The following ANKRD44 variants were observed in gnomAD, a reference collection of about 807,000 sequenced individuals.
ANKRD44 encodes serine/threonine-protein phosphatase 6 regulatory ankyrin repeat subunit B.
A neutral mutation model predicts 116.0 loss-of-function variants in ANKRD44; 35 were observed. The observed-to-expected ratio is 0.30, with a 90% CI of 0.23 to 0.40. ANKRD44 has a LOEUF of 0.40. ANKRD44 is among the 10% of genes least tolerant of loss of function. The probability of loss-of-function intolerance (pLI) is 1.00; values close to 1 mark genes in which losing one functional copy is unlikely to be tolerated. For synonymous variants in ANKRD44, 435 were observed against 461.8 expected (o/e 0.94, Z 0.74); for missense variants, 1,014 against 1,242.6 (o/e 0.82, Z 2.77).
At chr2:196,968,305 T>C (rs2075689668) in intron 21 of ANKRD44, among the ~76,000 whole-genome samples, 1 of 152,196 alleles carries the variant, frequency 6.6e-6, no homozygotes, top group Non-Finnish European at 1.5e-5. Context: ...GCTCCAGGAA[T>C]GGTTCCACAA....
At chr2:197,150,506 G>A (rs926732041) in intron 2 of ANKRD44, among the ~76,000 whole-genome samples, 9 of 151,980 alleles carry the variant, frequency 5.9e-5, no homozygotes, top group Non-Finnish European at 8.8e-5. Context: ...CCAAGATCGC[G>A]CCACTGCACT....
intron 1 of ANKRD44, among the ~76,000 whole-genome samples, chr2:197,266,987 T>G (rs1043945620): frequency 2.6e-5 from 4 of 152,154 alleles, no homozygotes; most frequent in African/African-American, 9.7e-5. Context: ...GGACAGGGAT[T>G]TTGTCTGTTT....
Position 197,279,770 on chromosome 2 carries a change from C to A in ANKRD44, c.27+30808G>T, listed in dbSNP as rs59956355. On this transcript the variant is annotated intron_variant, in intron 1 of 27. Transcript: ENST00000282272. ...CTTCCTGCCTGGATGTGCTCACTCT[C>A]CTGCACTCCAATGAGAGCCATCAGC... 5.5e-3 allele frequency among the ~76,000 whole-genome samples: 831 copies of A among 152,320 alleles called. 13 individuals are homozygous for A. The highest frequency in any genetic ancestry group is 0.019 in the African/African-American group (788 of 41,568).
chr2:197,152,527 C>A (rs547172676), intron 2 of ANKRD44, among the ~76,000 whole-genome samples: 4 of 152,324 alleles, frequency 2.6e-5, no homozygotes, highest in Admixed American at 6.5e-5. Flanking sequence ...GCCAAAGATA[C>A]ACACAGCCAG....
intron 16 of ANKRD44, among the ~76,000 whole-genome samples, chr2:197,061,060 G>C (rs191349132): frequency 6.6e-6 from 1 of 152,276 alleles, no homozygotes; most frequent in African/African-American, 2.4e-5. Context: ...TATGTATCTG[G>C]ACTATATGGT....
At chr2:197,097,977 A>G (rs1358114960) in intron 10 of ANKRD44, among the ~76,000 whole-genome samples, 1 of 152,204 alleles carries the variant, frequency 6.6e-6, no homozygotes, top group Admixed American at 6.5e-5. Flanking sequence ...TAACAGGTTC[A>G]CATGTTTATG....
chr2:197,290,059 T>C (rs1574455720), intron 1 of ANKRD44, among the ~76,000 whole-genome samples: 1 of 151,892 alleles, frequency 6.6e-6, no homozygotes, highest in African/African-American at 2.4e-5. Flanking sequence ...GGGGTTTCAC[T>C]ATGTTGGCCA....
chr2:197,310,669 G>C lies in ANKRD44; in HGVS notation c.-65C>G, dbSNP rs1363449855. On this transcript the variant is annotated 5_prime_UTR_variant, in exon 1 of 28. Coordinates refer to ENST00000282272, the MANE Select transcript of ANKRD44 (RefSeq NM_001195144.2). ...GCCCGCAGATGTCACGCCGGGAGCCGGGGAAGCGGAAGGGATTGCCAGGAG... is the reference window on the plus strand; with the variant it reads ...GCCCGCAGATGTCACGCCGGGAGCCCGGGAAGCGGAAGGGATTGCCAGGAG... 2 of 1,304,834 alleles carry C rather than the reference G, an allele frequency of 1.5e-6. No homozygotes were observed. Among genetic ancestry groups the C allele is most frequent in the Non-Finnish European group, 2.0e-6 (2 of 1,003,770 alleles). 80.8% of individuals were successfully genotyped at this position (1,304,834 alleles called of 1,614,324 possible). A position where few individuals can be genotyped will look rare whatever the true frequency, so the allele number is the denominator to read the frequency against.
At position 197,156,098 on chromosome 2, in the gene ANKRD44, T is replaced by G. The variant is rs548694664; in HGVS notation, c.112-8993A>C. ...GTGGTGGCTCACACCTGTAATCCCA[T>G]CACTTTGGGAGGCCAAGGCGGGCGG... On this transcript the variant is annotated intron_variant, in intron 2 of 27. Transcript: ENST00000282272. Among the ~76,000 whole-genome samples, 282 of 152,152 alleles carry G rather than the reference T, an allele frequency of 1.9e-3. 1 individual carries two copies. The highest frequency in any genetic ancestry group is 5.9e-3 in the African/African-American group (245 of 41,516).
At chr2:197,277,188 A>G (rs1239543570) in intron 1 of ANKRD44, among the ~76,000 whole-genome samples, 1 of 151,790 alleles carries the variant, frequency 6.6e-6, no homozygotes, top group Non-Finnish European at 1.5e-5. Flanking sequence ...CGGCCTCCCA[A>G]AGGAATCTAT....
chr2:197,089,950 C>T lies in ANKRD44; in HGVS notation c.1183G>A (p.Gly395Ser), dbSNP rs777677829. Reference protein sequence around the residue: ...SDCCRKLLSSGFEIDTPDKFG... With the variant: ...SDCCRKLLSSSFEIDTPDKFG... ...CATCTCTGCTAACAGATTTACTTACCCGATGATAACAACTTTCTGCAGCAG... is the reference window on the plus strand; with the variant it reads ...CATCTCTGCTAACAGATTTACTTACTCGATGATAACAACTTTCTGCAGCAG... The change falls in exon 11 of 28, where the codon GGC becomes AGC. Residue 395 changes from glycine to serine, a missense_variant and splice_region_variant. Physicochemically the swap from Gly to Ser is moderately conservative, Grantham distance 56. Coordinates refer to ENST00000282272, the MANE Select transcript of ANKRD44 (RefSeq NM_001195144.2). The T allele has an allele frequency of 6.2e-7, 1 of 1,613,502 alleles. No individual in the cohort carries two copies. Among genetic ancestry groups the T allele is most frequent in the South Asian group, 1.1e-5 (1 of 91,062 alleles).
At chr2:197,132,023 T>C (rs569952246) in intron 4 of ANKRD44, among the ~76,000 whole-genome samples, 1 of 152,348 alleles carries the variant, frequency 6.6e-6, no homozygotes, top group African/African-American at 2.4e-5. Context: ...TGCTTATCTA[T>C]GTTAGCTGGC....
intron 16 of ANKRD44, among the ~76,000 whole-genome samples, chr2:197,056,545 T>C (rs2077207282): frequency 6.6e-6 from 1 of 152,142 alleles, no homozygotes; most frequent in South Asian, 2.1e-4. Context: ...AGAAAATTGA[T>C]TTTTAGAATA....
At chr2:197,268,175 A>G (rs2082790394) in intron 1 of ANKRD44, among the ~76,000 whole-genome samples, 1 of 152,240 alleles carries the variant, frequency 6.6e-6, no homozygotes, top group Admixed American at 6.5e-5. Flanking sequence ...ATACCCCAGA[A>G]GCTGTGGAGC....
rs138272610 is a variant in ANKRD44 at position 197,251,788 on chromosome 2, C to T, written c.27+58790G>A. ...TGGTTCGTCTAGACTTACACTTGGG[C>T]GGACCCAAATTCCAGCTTGTTTCCT... On this transcript the variant is annotated intron_variant, in intron 1 of 27. Coordinates refer to ENST00000282272, the MANE Select transcript of ANKRD44 (RefSeq NM_001195144.2). Among the ~76,000 whole-genome samples the T allele has an allele frequency of 2.8e-4, 43 of 152,278 alleles. 1 individual carries two copies. The highest frequency in any genetic ancestry group is 9.4e-4 in the African/African-American group (39 of 41,552).
intron 1 of ANKRD44, among the ~76,000 whole-genome samples, chr2:197,266,682 T>C (rs746810215): frequency 3.3e-5 from 5 of 151,446 alleles, no homozygotes; most frequent in Non-Finnish European, 7.4e-5. Context: ...CTTTCTATTC[T>C]GCCATTTCCC....
At chr2:197,056,099 C>T (rs768425857) in intron 16 of ANKRD44, among the ~76,000 whole-genome samples, 3 of 152,138 alleles carry the variant, frequency 2.0e-5, no homozygotes, top group Non-Finnish European at 4.4e-5. Context: ...ATTGCCCAGG[C>T]TGGCCTCAAT....
At position 197,153,225 on chromosome 2, in the gene ANKRD44, CAAAAAAA is replaced by C. The variant is rs75600123; in HGVS notation, c.112-6127_112-6121del. ...TCTGGGTGACAGAGCAAGACCCTGC[CAAAAAAA>C]AAAAAAAAAAAAAAAGAAGAAACAA... is the stretch of plus-strand genomic sequence containing the variant. On this transcript the variant is annotated intron_variant, in intron 2 of 27. Transcript: ENST00000282272. Among the ~76,000 whole-genome samples, 468 of 69,336 alleles carry C rather than the reference CAAAAAAA, an allele frequency of 6.7e-3. 3 individuals are homozygous for C. Among genetic ancestry groups the C allele is most frequent in the African/African-American group, 8.7e-3 (146 of 16,814 alleles). The allele number at this position is 69,336 out of a possible 152,430, so 45.5% of individuals were successfully genotyped here.
At chr2:197,180,408 T>C (rs2080475086) in intron 2 of ANKRD44, among the ~76,000 whole-genome samples, 1 of 152,200 alleles carries the variant, frequency 6.6e-6, no homozygotes, top group South Asian at 2.1e-4. Flanking sequence ...TCCTGCAGGG[T>C]GCTTGATGAG....
Sources: gnomAD v4.1 joint callset for allele counts (sites outside exome capture counted in the v4.1 genomes callset) on GRCh38, gnomAD v4.1.1 for gene constraint, MANE v1.5 for transcripts, NCBI Gene and HGNC (gene_info 2026-07-23, HGNC 2026-07-21) for gene names.